OR4K1: variants seen among roughly 807,000 people sequenced by gnomAD.
OR4K1 encodes olfactory receptor 4K1.
In OR4K1, 16 loss-of-function variants were observed where a neutral mutation model predicts 14.4. That is an observed-to-expected ratio of 1.11 (90% CI 0.75 to 1.68). The LOEUF (loss-of-function observed/expected upper bound fraction) is 1.68, where lower values mean the gene tolerates loss of function less well. Ranked by LOEUF, OR4K1 falls within the 40% of genes most tolerant of loss-of-function variation. OR4K1 has a pLI of 0.00. For synonymous variants in OR4K1, 181 were observed against 133.1 expected (o/e 1.36, Z -2.48); for missense variants, 548 against 376.9 (o/e 1.45, Z -3.76).
chr14:19,935,778 T>G lies in OR4K1; in HGVS notation c.112T>G (p.Ser38Ala). Reference protein sequence around the residue: ...FAIFSIVYVTSVLGNVLIIVI... With the variant: ...FAIFSIVYVTAVLGNVLIIVI... Reference sequence around the variant, plus strand: ...CATCTTCTCTATAGTCTATGTGACATCAGTGCTAGGCAATGTCTTAATTAT... The same window carrying G: ...CATCTTCTCTATAGTCTATGTGACAGCAGTGCTAGGCAATGTCTTAATTAT... Residue 38 changes from serine (S) to alanine (A), a missense_variant, in exon 2 of 2, where the codon TCA (serine) becomes GCA (alanine). Ser to Ala is a moderately conservative substitution (Grantham distance 99). Coordinates refer to ENST00000641172, the MANE Select transcript of OR4K1 (RefSeq NM_001004063.3). 1.2e-6 allele frequency: 2 copies of G among 1,614,178 alleles called. No homozygotes were observed. Among genetic ancestry groups the G allele is most frequent in the Non-Finnish European group, 8.5e-7 (1 of 1,179,978 alleles).
upstream of OR4K1, among the ~76,000 whole-genome samples, chr14:19,927,112 T>A (rs1214990956): frequency 1.3e-5 from 2 of 152,264 alleles, no homozygotes; most frequent in Non-Finnish European, 2.9e-5. Context: ...ATAAAGGCAC[T>A]AGGAATTGGT....
intron 1 of OR4K1, among the ~76,000 whole-genome samples, chr14:19,931,700 T>A (rs1410540462): frequency 6.6e-6 from 1 of 152,228 alleles, no homozygotes; most frequent in Non-Finnish European, 1.5e-5. Context: ...CCCTTTCATA[T>A]CCAACTTGGC....
Position 19,936,589 on chromosome 14 carries a change from C to T in OR4K1, c.923C>T (p.Ser308Phe), listed in dbSNP as rs754514233. 6.3e-7 allele frequency: 1 copy of T among 1,599,602 alleles called. No individual in the cohort carries two copies. Among genetic ancestry groups the T allele is most frequent in the African/African-American group, 1.3e-5 (1 of 74,134 alleles). Reference protein sequence around the residue: ...MWKLRNRHVNSWKN With the variant: ...MWKLRNRHVNFWKN ...AAGCTGAGAAACCGTCATGTGAACT[C>T]CTGGAAAAACTAGGGATCATTACGA... is the stretch of plus-strand genomic sequence containing the variant. Residue 308 changes from serine (S) to phenylalanine (F), a missense_variant, in exon 2 of 2, where the codon TCC (serine) becomes TTC (phenylalanine). Ser to Phe is a radical substitution (Grantham distance 155). Transcript: ENST00000641172.
chr14:19,927,840 A>C (rs1882093961), upstream of OR4K1, among the ~76,000 whole-genome samples: 2 of 152,350 alleles, frequency 1.3e-5, no homozygotes, highest in East Asian at 3.9e-4. Flanking sequence ...TCCAGGGCAC[A>C]CAGAGTGTTT....
chr14:19,923,557 T>C, the OR4K1 span, among the ~76,000 whole-genome samples: 10 of 152,172 alleles, frequency 6.6e-5, no homozygotes, highest in African/African-American at 2.2e-4. Context: ...TGACATCTTT[T>C]ACAAATAAAT....
At chr14:19,925,747 C>T in the OR4K1 span, among the ~76,000 whole-genome samples, 23 of 152,330 alleles carry the variant, frequency 1.5e-4, no homozygotes, top group Non-Finnish European at 2.9e-4. Context: ...TACAGAGAGA[C>T]GGTGTCATGG....
At chr14:19,933,121 T>G (rs1455134980) in intron 1 of OR4K1, among the ~76,000 whole-genome samples, 1 of 151,762 alleles carries the variant, frequency 6.6e-6, no homozygotes, top group Non-Finnish European at 1.5e-5. Flanking sequence ...ATTATGGAGT[T>G]TTTTTACTGT....
At chr14:19,934,204 C>G (rs1412163529) in intron 1 of OR4K1, among the ~76,000 whole-genome samples, 1 of 152,170 alleles carries the variant, frequency 6.6e-6, no homozygotes, top group Non-Finnish European at 1.5e-5. Flanking sequence ...GAGCTAAGGT[C>G]AAAAATGTTT....
At chr14:19,921,620 A>C in the OR4K1 span, 2 of 1,545,674 alleles carry the variant, frequency 1.3e-6, no homozygotes, top group Non-Finnish European at 1.7e-6. Context: ...ACACTGTTTA[A>C]TATTTTAATG....
chr14:19,932,311 T>C (rs942551462), intron 1 of OR4K1, among the ~76,000 whole-genome samples: 3 of 151,930 alleles, frequency 2.0e-5, no homozygotes, highest in Admixed American at 2.0e-4. Flanking sequence ...TTCTTCCTTC[T>C]CCTTCTCCTT....
upstream of OR4K1, among the ~76,000 whole-genome samples, chr14:19,929,324 A>T (rs1465672322): frequency 6.7e-6 from 1 of 149,602 alleles, no homozygotes; most frequent in African/African-American, 2.4e-5. Flanking sequence ...TATAATTAAA[A>T]TAATATAATA....
At chr14:19,931,186 G>A (rs1187206045) in intron 1 of OR4K1, 41 bp downstream of exon 1, 1 of 152,228 alleles carries the variant, frequency 6.6e-6, no homozygotes, top group African/African-American at 2.4e-5. Flanking sequence ...TGTTGCACTG[G>A]AGAAATAATT....
At chr14:19,924,315 G>A in the OR4K1 span, among the ~76,000 whole-genome samples, 14 of 143,860 alleles carry the variant, frequency 9.7e-5, no homozygotes, top group East Asian at 2.2e-4. Context: ...CAGGAGAATC[G>A]CTTGAACTTG....
chr14:19,920,902 C>T, the OR4K1 span: 7 of 1,614,168 alleles, frequency 4.3e-6, no homozygotes, highest in South Asian at 6.6e-5. Flanking sequence ...GGCTGCATAG[C>T]CCAAATTTTC....
the OR4K1 span, among the ~76,000 whole-genome samples, chr14:19,925,710 AAAG>A: frequency 6.6e-6 from 1 of 152,264 alleles, no homozygotes; most frequent in Non-Finnish European, 1.5e-5. Context: ...AAGCTGTTCG[AAAG>A]AGCTGATGTG....
chr14:19,924,400 C>CAAAAAAAAAAAAAAAAAAAAAAAAAAA, the OR4K1 span, among the ~76,000 whole-genome samples: 8 of 79,252 alleles, frequency 1.0e-4, no homozygotes, highest in South Asian at 4.3e-4. Flanking sequence ...AACTCCGTAT[C>CAAAAAAAAAAAAAAAAAAAAAAAAAAA]AAAAAAAAAA....
Position 19,935,802 on chromosome 14 carries a change from AT to A in OR4K1, c.138del (p.Ile46MetfsTer10), listed in dbSNP as rs1285513290. 1 of 1,613,958 alleles carries A rather than the reference AT, an allele frequency of 6.2e-7. No homozygotes were observed. Among genetic ancestry groups the A allele is most frequent in the African/African-American group, 1.3e-5 (1 of 74,916 alleles). Reference sequence around the variant, plus strand: ...ATCAGTGCTAGGCAATGTCTTAATTATTGTCATTATTTCTTTTGACTCCCAT... The same window carrying A: ...ATCAGTGCTAGGCAATGTCTTAATTATGTCATTATTTCTTTTGACTCCCAT... Reference protein sequence around the residue: ...VTSVLGNVLIIVIISFDSHLN... With the variant: ...VTSVLGNVLIXVIISFDSHLN... On this transcript the variant is annotated frameshift_variant, in exon 2 of 2. Coordinates refer to ENST00000641172, the MANE Select transcript of OR4K1 (RefSeq NM_001004063.3). LOFTEE classifies it high-confidence loss of function.
the OR4K1 span, chr14:19,921,697 A>T: frequency 2.8e-6 from 3 of 1,082,246 alleles, no homozygotes; most frequent in East Asian, 7.9e-5. Context: ...ACATTTAATG[A>T]ATATTAACAA....
At chr14:19,927,441 G>T (rs1300831659), upstream of OR4K1, among the ~76,000 whole-genome samples, 10 of 152,252 alleles carry the variant, frequency 6.6e-5, no homozygotes, top group Non-Finnish European at 1.0e-4. Context: ...CTTGTTAGGG[G>T]TCTTGAAGAT....
Sources: gnomAD v4.1 joint callset for allele counts (sites outside exome capture counted in the v4.1 genomes callset) on GRCh38, gnomAD v4.1.1 for gene constraint, MANE v1.5 for transcripts, NCBI Gene and HGNC (gene_info 2026-07-23, HGNC 2026-07-21) for gene names.